The following ATP6V0A4 variants were observed in gnomAD, a reference collection of about 807,000 sequenced individuals.
ATP6V0A4 encodes ATPase H+ transporting V0 subunit a4, also known as V-type proton ATPase 116 kDa subunit a 4.
ATP6V0A4 carries 86 observed loss-of-function variants against 107.3 expected under a neutral mutation model. The observed-to-expected ratio is 0.80, with a 90% CI of 0.67 to 0.96. ATP6V0A4 has a LOEUF of 0.96. Ranked by LOEUF, ATP6V0A4 falls within the 40% of genes least tolerant of loss-of-function variation. ATP6V0A4 has a pLI of 0.00. For synonymous variants in ATP6V0A4, 353 were observed against 381.4 expected, an observed-to-expected ratio of 0.93 and a Z score of 0.87; for missense variants, 908 against 1,045.6, an observed-to-expected ratio of 0.87 and a Z score of 1.81.
intron 1 of ATP6V0A4, among the ~76,000 whole-genome samples, chr7:138,794,904 T>A (rs10216267): frequency 9.4e-4 from 42 of 44,780 alleles, no homozygotes; most frequent in Admixed American, 8.7e-4. Context: ...CCTATTTTTT[T>A]TTTTTTTTTT....
chr7:138,717,897 G>C (rs1201177826), intron 19 of ATP6V0A4, among the ~76,000 whole-genome samples: 16 of 107,990 alleles, frequency 1.5e-4, no homozygotes, highest in Non-Finnish European at 2.4e-4. Flanking sequence ...GACACAGTGA[G>C]ACTCTGTCTC....
Position 138,763,092 on chromosome 7 carries a change from C to G in ATP6V0A4, c.292-67G>C, listed in dbSNP as rs571804579. ...TATGACATTCCTGAAATACATTACC[C>G]ACAACAGATGACTAAAAAAAATCAA... On this transcript the variant is annotated intron_variant, in intron 5 of 21. Coordinates refer to ENST00000310018, the MANE Select transcript of ATP6V0A4 (RefSeq NM_020632.3). 3 of 1,592,404 alleles carry G rather than the reference C, an allele frequency of 1.9e-6. No individual in the cohort carries two copies. The African/African-American group carries it at 4.0e-5, about 21-fold the overall frequency.
chr7:138,714,075 C>CA (rs35801199), intron 20 of ATP6V0A4, among the ~76,000 whole-genome samples: 4,539 of 112,226 alleles, frequency 0.04, 194 homozygotes, highest in South Asian at 0.19. Context: ...CTACCTCTAC[C>CA]AAAAAAAAAA....
rs1250079633 is a variant in ATP6V0A4 at position 138,773,420 on chromosome 7, C to T, written c.-17-2156G>A. Among the ~76,000 whole-genome samples the T allele has an allele frequency of 6.6e-6, 1 of 152,198 alleles. No homozygotes were observed. Among genetic ancestry groups the T allele is most frequent in the East Asian group, 1.9e-4 (1 of 5,178 alleles). ...CTTCCTCCACAAGCCTTCCCTGACACCTCCAGCTCCCTCAAGGAGCTAAGC... is the reference window on the plus strand; with the variant it reads ...CTTCCTCCACAAGCCTTCCCTGACATCTCCAGCTCCCTCAAGGAGCTAAGC... On this transcript the variant is annotated intron_variant, in intron 2 of 21. Coordinates refer to ENST00000310018, the MANE Select transcript of ATP6V0A4 (RefSeq NM_020632.3). The surrounding 1 kb of genome is among the most constrained non-coding windows in gnomAD (Gnocchi z 5.4).
At chr7:138,713,808 A>C (rs1803876227) in intron 20 of ATP6V0A4, among the ~76,000 whole-genome samples, 8 of 151,906 alleles carry the variant, frequency 5.3e-5, no homozygotes, top group Admixed American at 5.3e-4. Context: ...TCTTCAGGAG[A>C]TAGTTCTTCA....
At chr7:138,762,789 A>G (rs964425974) in intron 6 of ATP6V0A4, 111 bp downstream of exon 6, 14 of 1,294,926 alleles carry the variant, frequency 1.1e-5, no homozygotes, top group Non-Finnish European at 1.6e-5. Flanking sequence ...TGGCCTAGCC[A>G]TGGAACAGAA....
rs1457861004 is a variant in ATP6V0A4 at position 138,784,240 on chromosome 7, A to ACG, written c.-18+1917_-18+1918insCG. Among the ~76,000 whole-genome samples the ACG allele has an allele frequency of 5.1e-3, 176 of 34,848 alleles. 5 individuals are homozygous for ACG. The highest frequency in any genetic ancestry group is 0.012 in the African/African-American group (109 of 9,182). 22.9% of individuals were successfully genotyped at this position (34,848 alleles called of 152,430 possible). On this transcript the variant is annotated intron_variant, in intron 2 of 21. Coordinates refer to ENST00000310018, the MANE Select transcript of ATP6V0A4 (RefSeq NM_020632.3). ...TATATATATATATATATATACGTAT[A>ACG]TATATATATATACATATATATATAT...
chr7:138,764,702 A>G (rs1807001423), intron 5 of ATP6V0A4, among the ~76,000 whole-genome samples: 1 of 152,256 alleles, frequency 6.6e-6, no homozygotes, highest in African/African-American at 2.4e-5. Context: ...AGAAATCACA[A>G]TAAACGGAAA....
chr7:138,761,743 G>T (rs1244861994), intron 7 of ATP6V0A4, among the ~76,000 whole-genome samples: 2 of 152,044 alleles, frequency 1.3e-5, no homozygotes, highest in African/African-American at 4.8e-5. Flanking sequence ...GCAGTGGCAC[G>T]ATCTTGGCTC....
intron 1 of ATP6V0A4, among the ~76,000 whole-genome samples, chr7:138,795,671 C>T (rs35954463): frequency 0.11 from 16,567 of 152,200 alleles, 997 homozygotes; most frequent in African/African-American, 0.15. Context: ...GACAGGGTCT[C>T]ACTGTGTCAC....
intron 19 of ATP6V0A4, among the ~76,000 whole-genome samples, chr7:138,716,147 C>A (rs1434311701): frequency 6.6e-6 from 1 of 152,096 alleles, no homozygotes; most frequent in Non-Finnish European, 1.5e-5. Flanking sequence ...TTGTGCTGTG[C>A]CAGGAAGGCT....
At chr7:138,729,599 T>G (rs1804886989) in intron 17 of ATP6V0A4, among the ~76,000 whole-genome samples, 1 of 152,154 alleles carries the variant, frequency 6.6e-6, no homozygotes, top group South Asian at 2.1e-4. Flanking sequence ...CTCACGCCCC[T>G]GCCTCCTTTC....
chr7:138,768,279 G>A (rs1470834687), intron 5 of ATP6V0A4, among the ~76,000 whole-genome samples: 2 of 152,146 alleles, frequency 1.3e-5, no homozygotes, highest in African/African-American at 4.8e-5. Flanking sequence ...AATAGACAAG[G>A]AAAGGAAAGA....
intron 15 of ATP6V0A4, among the ~76,000 whole-genome samples, chr7:138,737,583 T>C (rs373048645): frequency 6.9e-5 from 10 of 144,682 alleles, no homozygotes; most frequent in East Asian, 4.0e-4. Context: ...CTTTTTCTTT[T>C]TTTTTTTTTT....
In ATP6V0A4 at chr7:138,732,862, A is replaced by T. The variant is rs780967135; in HGVS notation, c.1908+15T>A. ...AAATAAAAGAAGAGTAAAAAAAAAA[A>T]AATAGCAGAAATACCTGATGTTTGT... On this transcript the variant is annotated intron_variant, in intron 17 of 21. Transcript: ENST00000310018. The T allele has an allele frequency of 3.1e-5, 49 of 1,581,260 alleles. No individual in the cohort carries two copies. The African/African-American group carries it at 6.2e-4, about 20-fold the overall frequency.
chr7:138,739,731 C>T, intron 14 of ATP6V0A4, 98 bp from the exon 15 acceptor site: 1 of 1,551,704 alleles, frequency 6.4e-7, no homozygotes, highest in African/African-American at 1.4e-5. Context: ...CAAAGTCCAA[C>T]TACTGGTGCA....
At chr7:138,707,211 T>C (rs1436228406) in intron 21 of ATP6V0A4, among the ~76,000 whole-genome samples, 1 of 86,346 alleles carries the variant, frequency 1.2e-5, no homozygotes, top group Non-Finnish European at 2.1e-5. Flanking sequence ...TAATATATTA[T>C]ATTATATAGA....
intron 20 of ATP6V0A4, among the ~76,000 whole-genome samples, chr7:138,711,359 G>A (rs760089018): frequency 6.6e-6 from 1 of 152,172 alleles, no homozygotes; most frequent in African/African-American, 2.4e-5. Context: ...CCATGCTTAG[G>A]TGTCCCTGGT....
chr7:138,740,694 G>A (rs574621103), intron 14 of ATP6V0A4, among the ~76,000 whole-genome samples: 2 of 151,404 alleles, frequency 1.3e-5, no homozygotes, highest in South Asian at 4.2e-4. Context: ...CGCCTGCCTC[G>A]GCCTCCCAAA....
Sources: gnomAD v4.1 joint callset for allele counts (sites outside exome capture counted in the v4.1 genomes callset) on GRCh38, gnomAD v4.1.1 for gene constraint, Gnocchi (gnomAD v3.1) non-coding constraint, MANE v1.5 for transcripts, NCBI Gene and HGNC (gene_info 2026-07-23, HGNC 2026-07-21) for gene names.